Variants in PLB1 observed in about 807,000 individuals in gnomAD.
PLB1 encodes the protein phospholipase B1, membrane-associated.
Under a neutral mutation model 227.4 loss-of-function variants are expected in PLB1, and 242 were observed. The ratio of observed to expected loss-of-function variants is 1.06; its 90% CI spans 0.96 to 1.18. The LOEUF is 1.18. Ranked by LOEUF, PLB1 falls within the 50% of genes most tolerant of loss-of-function variation. The pLI is 0.00. For missense variants in PLB1, 1,858 were observed against 1,816.3 expected (o/e 1.02, Z -0.42); for synonymous variants, 757 against 682.2 (o/e 1.11, Z -1.71).
At chr2:28,520,606 CTCCTCTTCT>C (rs1368091237) in intron 4 of PLB1, among the ~76,000 whole-genome samples, 4 of 152,168 alleles carry the variant, frequency 2.6e-5, no homozygotes, top group Non-Finnish European at 5.9e-5. Context: ...ACATCTCATT[CTCCTCTTCT>C]CACAGCCCCT....
intron 1 of PLB1, among the ~76,000 whole-genome samples, chr2:28,501,790 ATCAGT>A (rs1232021240): frequency 6.6e-6 from 1 of 152,160 alleles, no homozygotes; most frequent in African/African-American, 2.4e-5. Context: ...ATTATACTAC[ATCAGT>A]TCAGAGATCT....
At chr2:28,530,998 C>T (rs1572786755) in intron 8 of PLB1, among the ~76,000 whole-genome samples, 1 of 152,196 alleles carries the variant, frequency 6.6e-6, no homozygotes, top group Admixed American at 6.5e-5. Flanking sequence ...TGCAAGTTCA[C>T]ACGGCTAATT....
intron 26 of PLB1, 22 bp from the exon 27 acceptor site, chr2:28,589,428 C>T (rs1210677254): frequency 2.5e-6 from 4 of 1,590,532 alleles, no homozygotes; most frequent in Non-Finnish European, 3.5e-6. Context: ...TGCCTGACAT[C>T]TGTCCCCTTT....
intron 4 of PLB1, among the ~76,000 whole-genome samples, chr2:28,523,847 T>TG (rs1234265259): frequency 2.0e-5 from 3 of 152,206 alleles, no homozygotes; most frequent in Non-Finnish European, 4.4e-5. Flanking sequence ...AAAATGACTC[T>TG]GGGGGGTGCC....
chr2:28,626,531 G>A (rs1041237929), intron 51 of PLB1, 23 bp downstream of exon 51: 8 of 1,603,572 alleles, frequency 5.0e-6, no homozygotes, highest in Non-Finnish European at 3.4e-6. Context: ...CCAACCCCAT[G>A]GGGACCTGAG....
chr2:28,620,214 A>C (rs373345105), intron 46 of PLB1, 51 bp from the exon 47 acceptor site: 1 of 1,344,666 alleles, frequency 7.4e-7, no homozygotes, highest in East Asian at 2.5e-5. Flanking sequence ...AGGCTCTTCC[A>C]GTGCCCTCAG....
At chr2:28,597,841 T>C (rs571978479) in intron 33 of PLB1, among the ~76,000 whole-genome samples, 164 bp from the exon 34 acceptor site, 7 of 152,304 alleles carry the variant, frequency 4.6e-5, no homozygotes, top group African/African-American at 1.7e-4. Context: ...GTTAGGGGCT[T>C]AAAAATTTTC....
intron 36 of PLB1, 132 bp downstream of exon 36, chr2:28,600,992 C>A (rs564530042): frequency 3.7e-5 from 32 of 853,946 alleles, no homozygotes; most frequent in Admixed American, 8.8e-5. Context: ...GGTCGGACAG[C>A]CCCCTGACAG....
intron 3 of PLB1, among the ~76,000 whole-genome samples, chr2:28,519,460 T>G (rs1013948880): frequency 6.6e-6 from 1 of 152,178 alleles, no homozygotes; most frequent in African/African-American, 2.4e-5. Flanking sequence ...GGGTCACCTG[T>G]TTGGACAGCT....
chr2:28,555,141 C>CAGTGATCT (rs10625420), intron 17 of PLB1, among the ~76,000 whole-genome samples: 1 of 120,234 alleles, frequency 8.3e-6, no homozygotes, highest in Admixed American at 9.2e-5. Flanking sequence ...TGCCAGTGAT[C>CAGTGATCT]TTTTTTTTTT....
intron 33 of PLB1, chr2:28,595,713 T>C (rs1682796161): frequency 6.6e-6 from 1 of 152,008 alleles, no homozygotes; most frequent in South Asian, 2.1e-4. Context: ...AGCTTCTAGA[T>C]TGGACAAACT....
rs1238474681 is a variant in PLB1, at chr2:28,620,583, T to A, written c.3384-17T>A. 3 of 1,610,020 alleles carry A rather than the reference T, an allele frequency of 1.9e-6. No individual in the cohort carries two copies. The highest frequency in any genetic ancestry group is 2.5e-6 in the Non-Finnish European group (3 of 1,178,210). On this transcript the variant is annotated splice_polypyrimidine_tract_variant and intron_variant, in intron 47 of 57. Transcript: ENST00000327757. ...CATGTTGGTGTGAGTTTAACAAATA[T>A]GCTTTCTCCTCCCCAGCATTGGAGG...
intron 17 of PLB1, among the ~76,000 whole-genome samples, chr2:28,562,558 A>AAAAAAAAG (rs1261725245): frequency 9.5e-5 from 14 of 147,768 alleles, no homozygotes; most frequent in Admixed American, 1.4e-4. Context: ...AAAAAAAAAA[A>AAAAAAAAG]AGTCAGTGGC....
chr2:28,609,294 C>A (rs749149449), intron 43 of PLB1, among the ~76,000 whole-genome samples: 2 of 152,060 alleles, frequency 1.3e-5, no homozygotes, highest in African/African-American at 4.8e-5. Context: ...TGTAAAATTT[C>A]TTTGTGCTGG....
intron 1 of PLB1, among the ~76,000 whole-genome samples, chr2:28,502,074 C>G (rs1194365476): frequency 6.6e-6 from 1 of 152,126 alleles, no homozygotes; most frequent in Non-Finnish European, 1.5e-5. Flanking sequence ...AAGGATTGTA[C>G]CAATTTGCAT....
At position 28,605,911 on chromosome 2, in the gene PLB1, T is replaced by G; in HGVS notation, c.3020T>G (p.Phe1007Cys). The G allele has an allele frequency of 6.2e-7, 1 of 1,613,802 alleles. No homozygotes were observed. The highest frequency in any genetic ancestry group is 8.5e-7 in the Non-Finnish European group (1 of 1,179,784). ...APDCIHPNQKFHSQLARALWT... is the reference protein window; with the variant it reads ...APDCIHPNQKCHSQLARALWT... ...GACTGCATCCACCCAAATCAGAAATTCCACTCCCAGCTGGCCAGAGCCCTT... is the reference window on the plus strand; with the variant it reads ...GACTGCATCCACCCAAATCAGAAATGCCACTCCCAGCTGGCCAGAGCCCTT... The change falls in exon 42 of 58, where the codon TTC becomes TGC. Residue 1007 changes from phenylalanine to cysteine, a missense_variant. Phe to Cys is a radical substitution (Grantham distance 205). Transcript: ENST00000327757.
chr2:28,638,808 G>C (rs34352707), intron 56 of PLB1, among the ~76,000 whole-genome samples: 8,265 of 135,644 alleles, frequency 0.061, 334 homozygotes, highest in Non-Finnish European at 0.093. Flanking sequence ...ACTCACAGAG[G>C]AAGTCAAGGC....
At chr2:28,539,402 A>G (rs896207026) in intron 11 of PLB1, among the ~76,000 whole-genome samples, 8 of 152,148 alleles carry the variant, frequency 5.3e-5, no homozygotes, top group African/African-American at 1.7e-4. Flanking sequence ...AGAATAAAAT[A>G]CTTTATTCTT....
In PLB1 at chr2:28,565,321, C is replaced by A. The variant is rs761909639; in HGVS notation, c.1248C>A (p.Asp416Glu). The A allele has an allele frequency of 6.2e-7, 1 of 1,611,436 alleles. No individual in the cohort carries two copies. Among genetic ancestry groups the A allele is most frequent in the East Asian group, 2.2e-5 (1 of 44,860 alleles). The change falls in exon 19 of 58, where the codon GAC becomes GAA. Residue 416 changes from aspartate to glutamate, a missense_variant. Asp to Glu is a conservative substitution (Grantham distance 45). Transcript: ENST00000327757. ...GAGSTPGNVL[D>E]VLTQYRGLSW... ...GGTCCACACCTGGGAACGTCTTGGACGTCTTGACTCAGTACCGAGGCCTGT... is the reference window on the plus strand; with the variant it reads ...GGTCCACACCTGGGAACGTCTTGGAAGTCTTGACTCAGTACCGAGGCCTGT...
Sources: allele counts gnomAD v4.1 joint callset (sites outside exome capture counted in the v4.1 genomes callset), GRCh38; gene constraint gnomAD v4.1.1; transcripts MANE v1.5; gene names NCBI Gene and HGNC (gene_info 2026-07-23, HGNC 2026-07-21).